The following RALYL variants were observed in gnomAD, a reference collection of about 807,000 sequenced individuals.
RALYL encodes the protein RALY RNA binding protein like, also known as RNA-binding Raly-like protein.
RALYL carries 29 observed loss-of-function variants against 35.1 expected under a neutral mutation model. The ratio of observed to expected loss-of-function variants is 0.83; its 90% CI spans 0.61 to 1.13. The LOEUF is 1.13. Ranked by LOEUF, RALYL falls within the 50% of genes most tolerant of loss-of-function variation. The pLI is 0.00. For missense variants in RALYL, 359 were observed against 360.4 expected, an observed-to-expected ratio of 1.00 and a Z score of 0.03; for synonymous variants, 120 against 127.6, an observed-to-expected ratio of 0.94 and a Z score of 0.40.
intron 1 of RALYL, among the ~76,000 whole-genome samples, chr8:84,234,307 A>G (rs1002358750): frequency 5.9e-5 from 9 of 152,014 alleles, no homozygotes; most frequent in African/African-American, 1.9e-4. Context: ...TATCTTTTGT[A>G]GAAAGCTCTG....
At chr8:84,239,244 A>G (rs1827312125) in intron 1 of RALYL, among the ~76,000 whole-genome samples, 1 of 152,218 alleles carries the variant, frequency 6.6e-6, no homozygotes. Context: ...GAACACTTAC[A>G]TAGCTTATAA....
intron 2 of RALYL, among the ~76,000 whole-genome samples, chr8:84,591,826 C>T (rs1392191307): frequency 2.0e-5 from 3 of 152,084 alleles, no homozygotes; most frequent in South Asian, 2.1e-4. Flanking sequence ...TCCAGTGTGT[C>T]GAAGTGACTT....
chr8:84,737,208 T>C (rs1847476421), intron 2 of RALYL, among the ~76,000 whole-genome samples: 1 of 152,064 alleles, frequency 6.6e-6, no homozygotes, highest in Admixed American at 6.6e-5. Context: ...TAAAACTCAA[T>C]CACTGAAAAG....
chr8:84,519,971 C>T (rs1158584471), intron 1 of RALYL, among the ~76,000 whole-genome samples: 2 of 152,214 alleles, frequency 1.3e-5, no homozygotes, highest in Non-Finnish European at 2.9e-5. Flanking sequence ...TGCATCTGTG[C>T]TTGGTGCACA....
At chr8:84,392,232 T>C (rs1378698996) in intron 1 of RALYL, among the ~76,000 whole-genome samples, 2 of 152,054 alleles carry the variant, frequency 1.3e-5, no homozygotes, top group African/African-American at 4.8e-5. Flanking sequence ...CTTATTTTTC[T>C]CTTACTGCTC....
At chr8:84,247,462 G>A (rs1320533700) in intron 1 of RALYL, among the ~76,000 whole-genome samples, 2 of 151,610 alleles carry the variant, frequency 1.3e-5, no homozygotes, top group Admixed American at 6.6e-5. Context: ...CCTTTAGCAG[G>A]CCAAATATTA....
chr8:84,477,574 T>G (rs2053571625), intron 1 of RALYL, among the ~76,000 whole-genome samples: 2 of 150,268 alleles, frequency 1.3e-5, no homozygotes, highest in Non-Finnish European at 3.0e-5. Context: ...GATATATATT[T>G]TTGCTTACAG....
intron 1 of RALYL, among the ~76,000 whole-genome samples, chr8:84,256,128 G>T (rs896932493): frequency 6.6e-6 from 1 of 152,110 alleles, no homozygotes. Flanking sequence ...GTTGGGAAGG[G>T]TTATATGTGC....
chr8:84,645,855 T>C (rs1827371697), intron 2 of RALYL, among the ~76,000 whole-genome samples: 1 of 152,130 alleles, frequency 6.6e-6, no homozygotes, highest in South Asian at 2.1e-4. Flanking sequence ...TGATTGCCTG[T>C]CTATTCTCAT....
chr8:84,492,284 G>T (rs78907559), intron 1 of RALYL, among the ~76,000 whole-genome samples: 5,991 of 152,028 alleles, frequency 0.039, 241 homozygotes, highest in African/African-American at 0.099. Flanking sequence ...CCTACATTTA[G>T]AAGAAACCAC....
intron 2 of RALYL, among the ~76,000 whole-genome samples, chr8:84,753,692 T>G (rs116265717): frequency 0.011 from 1,714 of 152,180 alleles, 34 homozygotes; most frequent in African/African-American, 0.038. Context: ...TCCAGCCAGG[T>G]GAAGTGCTGG....
chr8:84,254,439 A>G (rs1330521371), intron 1 of RALYL, among the ~76,000 whole-genome samples: 1 of 152,130 alleles, frequency 6.6e-6, no homozygotes, highest in East Asian at 1.9e-4. Flanking sequence ...TAGCTGTTCT[A>G]TAAAAGTCTG....
Position 84,415,741 on chromosome 8 carries a change from G to A in RALYL, c.-23-113558G>A, listed in dbSNP as rs188443285. Among the ~76,000 whole-genome samples, 74 of 151,952 alleles carry A rather than the reference G, an allele frequency of 4.9e-4. 1 individual carries two copies. In the South Asian group the frequency reaches 7.5e-3, roughly 15 times the overall value. ...AACAAAAGCAAATTGCTGAATTGCC[G>A]TTACAATAGTACTTAATTAATATGT... On this transcript the variant is annotated intron_variant, in intron 1 of 8. Transcript: ENST00000521268.
chr8:84,902,859 T>C (rs1228867144), intron 8 of RALYL, among the ~76,000 whole-genome samples: 2 of 152,164 alleles, frequency 1.3e-5, no homozygotes, highest in Non-Finnish European at 2.9e-5. Context: ...TATGTCAAAC[T>C]TAATATTTTC....
intron 7 of RALYL, among the ~76,000 whole-genome samples, chr8:84,881,229 G>A (rs1842129615): frequency 6.6e-6 from 1 of 151,790 alleles, no homozygotes. Context: ...AAAATAAGTT[G>A]TATTTTTCTA....
At chr8:84,450,494 A>G (rs1424705538) in intron 1 of RALYL, among the ~76,000 whole-genome samples, 3 of 151,918 alleles carry the variant, frequency 2.0e-5, no homozygotes, top group South Asian at 2.1e-4. Context: ...ACCTCTTTGA[A>G]TGATTCAGTT....
intron 3 of RALYL, among the ~76,000 whole-genome samples, chr8:84,778,381 T>G (rs10110917): frequency 7.9e-5 from 12 of 152,230 alleles, no homozygotes; most frequent in Admixed American, 1.3e-4. Flanking sequence ...AAGGCCTTAT[T>G]ATGTGCTAAG....
intron 3 of RALYL, 70 bp from the exon 4 acceptor site, chr8:84,804,700 C>T: frequency 1.3e-6 from 1 of 759,456 alleles, no homozygotes; most frequent in Non-Finnish European, 1.8e-6. Context: ...TTGTCAGGTT[C>T]ATGTAAAAGC....
At chr8:84,530,236 A>G (rs2059186878) in intron 2 of RALYL, among the ~76,000 whole-genome samples, 1 of 152,044 alleles carries the variant, frequency 6.6e-6, no homozygotes, top group African/African-American at 2.4e-5. Context: ...AATCAAAATT[A>G]GATAATTATT....
Sources: allele counts gnomAD v4.1 joint callset (sites outside exome capture counted in the v4.1 genomes callset), GRCh38; gene constraint gnomAD v4.1.1; transcripts MANE v1.5; gene names NCBI Gene and HGNC (gene_info 2026-07-23, HGNC 2026-07-21).